SOD2: variants seen among roughly 807,000 people sequenced by gnomAD.
SOD2 encodes superoxide dismutase 2, also known as superoxide dismutase [Mn], mitochondrial.
A neutral mutation model predicts 27.0 loss-of-function variants in SOD2; 11 were observed. That is an observed-to-expected ratio of 0.41 (90% CI 0.26 to 0.67). The LOEUF (loss-of-function observed/expected upper bound fraction) is 0.67. SOD2 is among the 30% of genes least tolerant of loss of function. The pLI, the probability that SOD2 is intolerant of heterozygous loss-of-function variation, is 0.34. For missense variants in SOD2, 250 were observed against 274.5 expected, an observed-to-expected ratio of 0.91 and a Z score of 0.63; for synonymous variants, 105 against 103.0, an observed-to-expected ratio of 1.02 and a Z score of -0.12.
In SOD2 at chr6:159,692,792, G is replaced by A; in HGVS notation, c.95C>T (p.Pro32Leu). The A allele has an allele frequency of 6.2e-7, 1 of 1,614,088 alleles. No homozygotes were observed. The highest frequency in any genetic ancestry group is 8.5e-7 in the Non-Finnish European group (1 of 1,180,014). The part of the protein sequence containing the change: ...SRQKHSLPDL[P>L]YDYGALEPHI... The stretch of plus-strand genomic sequence containing the variant: ...AGGTTCCAGGGCGCCGTAGTCGTAG[G>A]GCAGGTCGGGGAGGCTGTGCTTCTG... The change falls in exon 2 of 5, where the codon CCC (proline) becomes CTC (leucine). Residue 32 changes from proline (P) to leucine (L), a missense_variant. Pro to Leu is a moderately conservative substitution (Grantham distance 98, BLOSUM62 -3). Coordinates refer to ENST00000538183, the MANE Select transcript of SOD2 (RefSeq NM_000636.4).
chr6:159,762,115 ATCG>A, exon 1 of SOD2: 3 of 1,612,956 alleles, frequency 1.9e-6, no homozygotes, highest in Non-Finnish European at 8.5e-7. Context: ...TCCTGTGGTC[ATCG>A]TCTCGGCGGC....
At chr6:159,762,070 G>C (rs754902942) in exon 1 of SOD2, 6 of 1,612,388 alleles carry the variant, frequency 3.7e-6, no homozygotes, top group Non-Finnish European at 5.1e-6. Flanking sequence ...CAGGGCAGAC[G>C]GCGGCAGGAG....
rs1158369978 is a variant in SOD2 at position 159,679,904 on chromosome 6, G to A, written c.*2589C>T. On this transcript the variant is annotated 3_prime_UTR_variant, in exon 5 of 5. Transcript: ENST00000538183. ...GGCCTCCCAAAGTGCTGGGATTACA[G>A]ATGTGAGTCACCCCGCCCAGCCCTA... 1 of 152,208 alleles carries A rather than the reference G, an allele frequency of 6.6e-6. No homozygotes were observed. Among genetic ancestry groups the A allele is most frequent in the Non-Finnish European group, 1.5e-5 (1 of 68,048 alleles). The allele number at this position is 152,208 out of a possible 1,614,324, so 9.4% of individuals were successfully genotyped here. A position where few individuals can be genotyped will look rare whatever the true frequency, so the allele number is the denominator to read the frequency against.
intron 1 of SOD2, among the ~76,000 whole-genome samples, chr6:159,708,318 G>C (rs1200927907): frequency 1.3e-5 from 2 of 152,186 alleles, no homozygotes; most frequent in African/African-American, 4.8e-5. Flanking sequence ...AGGAAAAGAG[G>C]AAGTCAAATT....
chr6:159,742,193 ATTG>A (rs1469931227), intron 1 of SOD2: 1 of 1,446,840 alleles, frequency 6.9e-7, no homozygotes. Context: ...TCTCCTTTTG[ATTG>A]TTAAAATCAA....
rs1184716445 is a variant in SOD2, at chr6:159,739,705, C to T, written c.-116+5425G>A. Among the ~76,000 whole-genome samples, 12 of 151,920 alleles carry T rather than the reference C, an allele frequency of 7.9e-5. No homozygotes were observed. In the East Asian group the frequency reaches 1.7e-3, roughly 22 times the overall value. ...AATAAGTATTTTAACAGGCTGAAAG[C>T]GGAGGAGAGAAAAGATGTTTTGTGA... On this transcript the variant is annotated intron_variant, in intron 1 of 3. Transcript: ENST00000537657.
At chr6:159,693,043 C>T in intron 1 of SOD2, 102 bp downstream of exon 1, 1 of 1,474,978 alleles carries the variant, frequency 6.8e-7, no homozygotes, top group Non-Finnish European at 9.0e-7. Context: ...TGCCCCGGTC[C>T]CGCCAGGCCC....
upstream of SOD2, among the ~76,000 whole-genome samples, chr6:159,730,091 A>G (rs1331453671): frequency 4.6e-5 from 7 of 152,028 alleles, no homozygotes; most frequent in East Asian, 1.2e-3. Flanking sequence ...TCATGTTACC[A>G]CCCTTTTGAG....
chr6:159,707,378 C>A (rs1777647397), intron 1 of SOD2, among the ~76,000 whole-genome samples: 1 of 151,862 alleles, frequency 6.6e-6, no homozygotes, highest in South Asian at 2.1e-4. Flanking sequence ...AGCAAGACTA[C>A]TAAAAAAGAA....
rs779046442 is a variant in SOD2, at chr6:159,762,152, C to A, written c.-1451G>T. ...GCGCGGACCATCATAGGTGAGTGGC[C>A]GGCGGGAGCCGCGCAGAGTCCGAGG... On this transcript the variant is annotated 5_prime_UTR_variant, in exon 1 of 8. Transcript: ENST00000546087. 3.7e-6 allele frequency: 6 copies of A among 1,607,982 alleles called. No individual in the cohort carries two copies. In the African/African-American group the frequency reaches 8.0e-5, roughly 22 times the overall value.
At chr6:159,702,832 A>AAGAGTGAAG (rs1777549985) in intron 1 of SOD2, among the ~76,000 whole-genome samples, 3 of 133,436 alleles carry the variant, frequency 2.2e-5, no homozygotes, top group Middle Eastern at 3.6e-3. Context: ...CCTGGGCGAC[A>AAGAGTGAAG]GAGCAAGACC....
upstream of SOD2, among the ~76,000 whole-genome samples, chr6:159,728,975 A>G (rs901686731): frequency 1.3e-5 from 2 of 152,208 alleles, no homozygotes; most frequent in East Asian, 1.9e-4. Context: ...TTATTTTTAC[A>G]TGGCTCTTTT....
intron 1 of SOD2, among the ~76,000 whole-genome samples, chr6:159,744,666 T>C (rs1301436428): frequency 6.6e-6 from 1 of 152,208 alleles, no homozygotes; most frequent in Non-Finnish European, 1.5e-5. Flanking sequence ...CTTCTTCACA[T>C]TTTACTTTGC....
At chr6:159,721,698 T>C (rs1433201089) in intron 1 of SOD2, among the ~76,000 whole-genome samples, 2 of 96,454 alleles carry the variant, frequency 2.1e-5, no homozygotes, top group African/African-American at 7.2e-5. Context: ...TTTTTTTTTT[T>C]TGTATTTTTA....
upstream of SOD2, among the ~76,000 whole-genome samples, chr6:159,746,347 CTT>C (rs1779572653): frequency 6.6e-6 from 1 of 152,144 alleles, no homozygotes; most frequent in South Asian, 2.1e-4. Context: ...TTCTTACCCT[CTT>C]GAGTGAAAAA....
chr6:159,722,066 TA>T (rs1010306490), intron 1 of SOD2, among the ~76,000 whole-genome samples: 104 of 142,616 alleles, frequency 7.3e-4, no homozygotes, highest in Admixed American at 1.7e-3. Context: ...CATTCTTTAT[TA>T]AAAAAAAAAA....
In SOD2 at chr6:159,681,693, C is replaced by A. The variant is rs1245241344; in HGVS notation, c.*800G>T. 3 of 152,190 alleles carry A rather than the reference C, an allele frequency of 2.0e-5. No homozygotes were observed. The highest frequency in any genetic ancestry group is 2.9e-5 in the Non-Finnish European group (2 of 68,064). The allele number at this position is 152,190 out of a possible 1,614,324, so 9.4% of individuals were successfully genotyped here. A position where few individuals can be genotyped will look rare whatever the true frequency, so the allele number is the denominator to read the frequency against. On this transcript the variant is annotated 3_prime_UTR_variant, in exon 5 of 5. Transcript: ENST00000538183. ...ACAGCCATACCACCCTGAAGGCACC[C>A]GATCTCGACTGATTTACAATTTTGC... is the stretch of plus-strand genomic sequence containing the variant.
At chr6:159,727,153 G>A (rs1394905056) in exon 1 of SOD2, 3 of 1,194,618 alleles carry the variant, frequency 2.5e-6, no homozygotes, top group Non-Finnish European at 3.2e-6. Context: ...TCCGGGGCCC[G>A]CGGAGCTCGC....
intron 1 of SOD2, chr6:159,720,344 C>G: frequency 6.6e-6 from 1 of 152,184 alleles, no homozygotes; most frequent in East Asian, 1.9e-4. Context: ...GCCACCGTGC[C>G]CAGCCTGTAT....
Sources: gnomAD v4.1 joint callset for allele counts (sites outside exome capture counted in the v4.1 genomes callset) on GRCh38, gnomAD v4.1.1 for gene constraint, MANE v1.5 for transcripts, NCBI Gene and HGNC (gene_info 2026-07-23, HGNC 2026-07-21) for gene names.